Variants in PLRG1 observed in about 807,000 individuals in gnomAD.
The protein encoded by PLRG1 is pleiotropic regulator 1.
PLRG1 carries 28 observed loss-of-function variants against 74.9 expected under a neutral mutation model. The ratio of observed to expected loss-of-function variants is 0.37; its 90% CI spans 0.28 to 0.51. PLRG1 has a LOEUF of 0.51. PLRG1 is among the 20% of genes least tolerant of loss of function. PLRG1 has a pLI of 0.91. For missense variants in PLRG1, 445 were observed against 631.9 expected, an observed-to-expected ratio of 0.70 and a Z score of 3.17; for synonymous variants, 197 against 212.4, an observed-to-expected ratio of 0.93 and a Z score of 0.63.
At chr4:154,546,952 G>A (rs1370007249) in intron 4 of PLRG1, 59 bp downstream of exon 4, 15 of 1,221,850 alleles carry the variant, frequency 1.2e-5, no homozygotes, top group African/African-American at 5.9e-5. Context: ...TTATTGGCTC[G>A]TTAGTGAAAA....
chr4:154,544,332 C>A (rs932182538), intron 7 of PLRG1, 113 bp downstream of exon 7: 2 of 670,738 alleles, frequency 3.0e-6, no homozygotes, highest in South Asian at 3.6e-5. Context: ...CACCTCAGAT[C>A]GCTCTACCAG....
chr4:154,536,764 TTAAAA>T lies in PLRG1; in HGVS notation c.1486-25_1486-21del, dbSNP rs1280187395. The T allele has an allele frequency of 7.3e-7, 1 of 1,366,660 alleles. No individual in the cohort carries two copies. The highest frequency in any genetic ancestry group is 1.0e-6 in the Non-Finnish European group (1 of 984,086). The allele number at this position is 1,366,660 out of a possible 1,614,324, so 84.7% of individuals were successfully genotyped here. On this transcript the variant is annotated intron_variant, in intron 14 of 14. Transcript: ENST00000499023. ...TTCTGTCTAAAAATAGAAAAGTGAG[TTAAAA>T]TAAAGTATTATTAGTTTGCTTCATG...
At position 154,545,894 on chromosome 4, in the gene PLRG1, C is replaced by A. The variant is rs1300684403; in HGVS notation, c.434G>T (p.Gly145Val). Residue 145 changes from glycine to valine, a missense_variant, in exon 6 of 15, where the codon GGA becomes GTA. By Grantham distance (109) the Gly-to-Val change is moderately radical. This residue lies in a region of PLRG1 where 206 missense variants were observed against 210.8 expected (regional missense o/e 0.98). Transcript: ENST00000499023. ...KADANRTAPSGSEYRHPGASD... is the reference protein window; with the variant it reads ...KADANRTAPSVSEYRHPGASD... ...AGCCCCAGGATGTCGGTATTCACTT[C>A]CACTAGGGGCAGTACGATTTGCATC... The A allele has an allele frequency of 6.2e-7, 1 of 1,612,132 alleles. No individual in the cohort carries two copies. Among genetic ancestry groups the A allele is most frequent in the South Asian group, 1.1e-5 (1 of 90,986 alleles).
chr4:154,536,180 G>A lies in PLRG1; in HGVS notation c.*505C>T, dbSNP rs1460966753. On this transcript the variant is annotated 3_prime_UTR_variant, in exon 15 of 15. Coordinates refer to ENST00000499023, the MANE Select transcript of PLRG1 (RefSeq NM_002669.4). ...CTTAGAGGATAGACACATCTTACTT[G>A]TCTATTTCCTGAACAGTATCTAGTG... 4 of 153,758 alleles carry A rather than the reference G, an allele frequency of 2.6e-5. No individual in the cohort carries two copies. The highest frequency in any genetic ancestry group is 9.7e-5 in the African/African-American group (4 of 41,390). 9.5% of individuals were successfully genotyped at this position (153,758 alleles called of 1,614,324 possible).
chr4:154,537,942 ATATT>A (rs748498073), intron 13 of PLRG1, 23 bp downstream of exon 13: 21 of 1,301,276 alleles, frequency 1.6e-5, no homozygotes, highest in Middle Eastern at 2.8e-4. Flanking sequence ...CAGACTAAAC[ATATT>A]TATTATAAAA....
intron 6 of PLRG1, among the ~76,000 whole-genome samples, chr4:154,545,431 A>G (rs1474765816): frequency 6.6e-6 from 1 of 152,228 alleles, no homozygotes; most frequent in African/African-American, 2.4e-5. Context: ...CTAAATGCTC[A>G]TTTATAAGAC....
intron 14 of PLRG1, 26 bp from the exon 15 acceptor site, chr4:154,536,770 T>A (rs1407593541): frequency 7.8e-7 from 1 of 1,278,808 alleles, no homozygotes; most frequent in South Asian, 1.3e-5. Context: ...TGAGTTAAAA[T>A]AAAGTATTAT....
At position 154,544,546 on chromosome 4, in the gene PLRG1, T is replaced by A. The variant is rs756333612; in HGVS notation, c.493A>T (p.Ile165Phe). 1.4e-5 allele frequency: 22 copies of A among 1,552,992 alleles called. No homozygotes were observed. The South Asian group carries it at 2.5e-4, about 17-fold the overall frequency. ...DRPQPTAMNS[I>F]VMETGNTKNS... Reference sequence around the variant, plus strand: ...TTGGTATTGCCAGTCTCCATGACAATCTAGACATAGAAGAGACATTATTAT... The same window carrying A: ...TTGGTATTGCCAGTCTCCATGACAAACTAGACATAGAAGAGACATTATTAT... Residue 165 changes from isoleucine to phenylalanine, a missense_variant and splice_region_variant, in exon 7 of 15, where the codon ATT becomes TTT. Physicochemically the swap from Ile to Phe is conservative, Grantham distance 21. Transcript: ENST00000499023.
chr4:154,550,262 G>A, intron 1 of PLRG1, 38 bp downstream of exon 1: 1 of 1,592,064 alleles, frequency 6.3e-7, no homozygotes, highest in Non-Finnish European at 8.6e-7. Context: ...AAACAGTCCA[G>A]AGACAAACGA....
chr4:154,542,653 T>A (rs568065133), intron 7 of PLRG1, among the ~76,000 whole-genome samples: 2 of 152,070 alleles, frequency 1.3e-5, no homozygotes, highest in African/African-American at 2.4e-5. Context: ...ATGAGGTGAA[T>A]GGATAAATAA....
chr4:154,546,060 A>G (rs1560808935), intron 5 of PLRG1, 63 bp downstream of exon 5: 1 of 1,193,248 alleles, frequency 8.4e-7, no homozygotes, highest in South Asian at 1.3e-5. Context: ...AGAAATTTTA[A>G]AAAGAAAAAA....
At chr4:154,544,390 G>A in intron 7 of PLRG1, 55 bp downstream of exon 7, 1 of 990,042 alleles carries the variant, frequency 1.0e-6, no homozygotes, top group Non-Finnish European at 1.6e-6. Context: ...TTCAGTGCTT[G>A]TCAACTACAA....
At position 154,545,287 on chromosome 4, in the gene PLRG1, CA is replaced by C. The variant is rs1170633679; in HGVS notation, c.492+548del. On this transcript the variant is annotated intron_variant, in intron 6 of 14. Coordinates refer to ENST00000499023, the MANE Select transcript of PLRG1 (RefSeq NM_002669.4). ...TGCATAATGAGCTGAGAAGCAAAAC[CA>C]GCACTTATTTCAAGTGGCAGCATAT... Among the ~76,000 whole-genome samples, 3 of 152,154 alleles carry C rather than the reference CA, an allele frequency of 2.0e-5. No individual in the cohort carries two copies. In the South Asian group the frequency reaches 6.2e-4, roughly 31 times the overall value.
chr4:154,548,492 G>C (rs1267999285), intron 2 of PLRG1, among the ~76,000 whole-genome samples: 2 of 152,166 alleles, frequency 1.3e-5, no homozygotes, highest in African/African-American at 4.8e-5. Context: ...AAAGATGGGA[G>C]TAGAGGTACT....
intron 11 of PLRG1, 115 bp downstream of exon 11, chr4:154,539,836 A>C: frequency 1.4e-6 from 1 of 699,802 alleles, no homozygotes; most frequent in South Asian, 1.6e-5. Context: ...AATATGACAC[A>C]GAAACACTGT....
At chr4:154,545,064 A>G (rs1451126929) in intron 6 of PLRG1, among the ~76,000 whole-genome samples, 1 of 152,204 alleles carries the variant, frequency 6.6e-6, no homozygotes, top group Non-Finnish European at 1.5e-5. Context: ...ATACTGCCTG[A>G]TATACCATCT....
intron 7 of PLRG1, among the ~76,000 whole-genome samples, chr4:154,543,472 AT>A (rs1729591847): frequency 6.6e-6 from 1 of 152,176 alleles, no homozygotes; most frequent in Non-Finnish European, 1.5e-5. Context: ...CTTGTATCAA[AT>A]TTGATATGTA....
At chr4:154,545,410 T>A (rs1408184912) in intron 6 of PLRG1, among the ~76,000 whole-genome samples, 1 of 152,266 alleles carries the variant, frequency 6.6e-6, no homozygotes, top group Non-Finnish European at 1.5e-5. Flanking sequence ...TACAAACAGA[T>A]AAACTTATTT....
intron 12 of PLRG1, among the ~76,000 whole-genome samples, chr4:154,538,323 T>C (rs1729492154): frequency 6.6e-6 from 1 of 152,106 alleles, no homozygotes; most frequent in Non-Finnish European, 1.5e-5. Context: ...AGTCCTAGAT[T>C]AATGTTTTGT....
Sources: gnomAD v4.1 joint callset for allele counts (sites outside exome capture counted in the v4.1 genomes callset) on GRCh38, gnomAD v4.1.1 for gene constraint, gnomAD v4.1.1 regional missense constraint, MANE v1.5 for transcripts, NCBI Gene and HGNC (gene_info 2026-07-23, HGNC 2026-07-21) for gene names.